TBX15: variants seen among roughly 807,000 people sequenced by gnomAD.
TBX15 encodes the protein T-box transcription factor TBX15.
A neutral mutation model predicts 53.9 loss-of-function variants in TBX15; 18 were observed. That is an observed-to-expected ratio of 0.33 (90% CI 0.23 to 0.49). The LOEUF is 0.49. Ranked by LOEUF, TBX15 falls within the 20% of genes least tolerant of loss-of-function variation. The pLI is 0.98. For synonymous variants in TBX15, 295 were observed against 278.0 expected, an observed-to-expected ratio of 1.06 and a Z score of -0.61; for missense variants, 692 against 749.5, an observed-to-expected ratio of 0.92 and a Z score of 0.90.
chr1:118,902,489 T>G (rs1294313674), intron 6 of TBX15, among the ~76,000 whole-genome samples: 2 of 152,198 alleles, frequency 1.3e-5, no homozygotes, highest in Non-Finnish European at 2.9e-5. Context: ...GAATGCTTTA[T>G]TGCTGAGTCA....
intron 5 of TBX15, among the ~76,000 whole-genome samples, chr1:118,919,830 G>T (rs1655363850): frequency 6.6e-6 from 1 of 152,082 alleles, no homozygotes; most frequent in South Asian, 2.1e-4. Context: ...AATGGAGACA[G>T]TTAACATCTA....
intron 2 of TBX15, among the ~76,000 whole-genome samples, chr1:118,928,363 AT>A (rs2101605091): frequency 6.6e-6 from 1 of 152,228 alleles, no homozygotes; most frequent in East Asian, 1.9e-4. Context: ...CTACCTCACA[AT>A]TTTTATTTAA....
chr1:118,934,847 A>G (rs779064018), intron 1 of TBX15, among the ~76,000 whole-genome samples: 26 of 152,224 alleles, frequency 1.7e-4, no homozygotes, highest in Non-Finnish European at 2.9e-4. Flanking sequence ...GAGGATTTTC[A>G]AAGACATTTA....
At chr1:118,964,030 C>T (rs1656961303) in intron 1 of TBX15, among the ~76,000 whole-genome samples, 1 of 152,184 alleles carries the variant, frequency 6.6e-6, no homozygotes, top group African/African-American at 2.4e-5. Context: ...TCTCAGCCAG[C>T]CATTTAAGCC....
At chr1:118,897,463 T>G (rs537067951) in intron 7 of TBX15, among the ~76,000 whole-genome samples, 2 of 152,296 alleles carry the variant, frequency 1.3e-5, no homozygotes, top group Admixed American at 6.5e-5. Flanking sequence ...TACAAACTCC[T>G]GCTTAGCTAG....
intron 6 of TBX15, among the ~76,000 whole-genome samples, chr1:118,909,531 T>C (rs2101548017): frequency 6.6e-6 from 1 of 152,310 alleles, no homozygotes; most frequent in Admixed American, 6.5e-5. Context: ...CAGGAGGACT[T>C]CTCCATGGAT....
chr1:118,973,952 C>G (rs1657335448), intron 1 of TBX15, among the ~76,000 whole-genome samples: 1 of 152,204 alleles, frequency 6.6e-6, no homozygotes, highest in African/African-American at 2.4e-5. Flanking sequence ...GGGTAACGCA[C>G]AGTTGTACCA....
At chr1:118,985,817 G>C (rs776638568) in intron 1 of TBX15, among the ~76,000 whole-genome samples, 1 of 152,210 alleles carries the variant, frequency 6.6e-6, no homozygotes, top group African/African-American at 2.4e-5. Flanking sequence ...CGAGTAAATA[G>C]AATTCATGAG....
intron 7 of TBX15, among the ~76,000 whole-genome samples, chr1:118,894,945 A>G (rs981519243): frequency 6.6e-6 from 1 of 152,156 alleles, no homozygotes; most frequent in Non-Finnish European, 1.5e-5. Context: ...ATTCTATGTG[A>G]TAAGCCATAC....
intron 1 of TBX15, among the ~76,000 whole-genome samples, chr1:118,940,175 C>T (rs1246893083): frequency 6.6e-6 from 1 of 151,846 alleles, no homozygotes; most frequent in African/African-American, 2.4e-5. Flanking sequence ...TTAAAACTGT[C>T]GGTTTTTTGA....
chr1:118,944,385 G>A lies in TBX15; in HGVS notation c.206-12553C>T, dbSNP rs140343008. 1.1e-4 allele frequency among the ~76,000 whole-genome samples: 16 copies of A among 152,248 alleles called. No individual in the cohort carries two copies. In the East Asian group the frequency reaches 2.9e-3, roughly 28 times the overall value. ...ACATGTTATTCTTAACTCCATTCCC[G>A]ACTCCTTGAGTCATCCTCACCATGT... On this transcript the variant is annotated intron_variant, in intron 1 of 7. Coordinates refer to ENST00000369429, the MANE Select transcript of TBX15 (RefSeq NM_001330677.2).
chr1:118,931,722 C>A lies in TBX15; in HGVS notation c.316G>T (p.Ala106Ser), dbSNP rs375486297. The change falls in exon 2 of 8, where the codon GCC (alanine) becomes TCC (serine). Residue 106 changes from alanine to serine, a missense_variant. Transcript: ENST00000369429. ...ASGAAGPVPAAMSSMEEIQVE... is the reference protein window; with the variant it reads ...ASGAAGPVPASMSSMEEIQVE... ...TGAATCTCCTCCATGGAAGACATGGCAGCAGGCACAGGGCCTGCAGCACCA... is the reference window on the plus strand; with the variant it reads ...TGAATCTCCTCCATGGAAGACATGGAAGCAGGCACAGGGCCTGCAGCACCA... The A allele has an allele frequency of 3.7e-6, 6 of 1,613,910 alleles. No homozygotes were observed. Among genetic ancestry groups the A allele is most frequent in the Admixed American group, 3.3e-5 (2 of 59,998 alleles).
Position 118,923,170 on chromosome 1 carries a change from A to G in TBX15, c.861+266T>C, listed in dbSNP as rs17185907. Among the ~76,000 whole-genome samples, 19,608 of 151,928 alleles carry G rather than the reference A, an allele frequency of 0.13. 1,778 individuals are homozygous for G. Among genetic ancestry groups the G allele is most frequent in the Non-Finnish European group, 0.18 (12,161 of 67,960 alleles). On this transcript the variant is annotated intron_variant, in intron 5 of 7. Coordinates refer to ENST00000369429, the MANE Select transcript of TBX15 (RefSeq NM_001330677.2). The stretch of plus-strand genomic sequence containing the variant: ...AGTTTTACTATCTAAGGAATTTGAG[A>G]TGGTTTAATAGCTTCTTAAATAGCA...
intron 1 of TBX15, among the ~76,000 whole-genome samples, chr1:118,967,400 T>C (rs912550868): frequency 6.6e-6 from 1 of 152,138 alleles, no homozygotes; most frequent in African/African-American, 2.4e-5. Context: ...AAATGACCTA[T>C]AAGTAGCAGC....
chr1:118,980,370 A>T (rs1327227715), intron 1 of TBX15, among the ~76,000 whole-genome samples: 1 of 151,636 alleles, frequency 6.6e-6, no homozygotes, highest in Non-Finnish European at 1.5e-5. Context: ...TATAATAATG[A>T]CCTCTCTAAT....
At position 118,908,607 on chromosome 1, in the gene TBX15, A is replaced by G. The variant is rs759753728; in HGVS notation, c.926+5508T>C. ...AAATCTAGAAGTAGAAACAACTTAGAAAAAAGAAAATAAAACAATTTCCCT... is the reference window on the plus strand; with the variant it reads ...AAATCTAGAAGTAGAAACAACTTAGGAAAAAGAAAATAAAACAATTTCCCT... On this transcript the variant is annotated intron_variant, in intron 6 of 7. Transcript: ENST00000369429. Among the ~76,000 whole-genome samples the G allele has an allele frequency of 1.9e-4, 29 of 152,170 alleles. No individual in the cohort carries two copies. In the East Asian group the frequency reaches 5.2e-3, roughly 27 times the overall value.
intron 1 of TBX15, among the ~76,000 whole-genome samples, chr1:118,966,877 T>C (rs1049777036): frequency 6.6e-6 from 1 of 152,248 alleles, no homozygotes; most frequent in Non-Finnish European, 1.5e-5. Flanking sequence ...AGCAGTATTA[T>C]GCAAGTGATC....
Position 118,884,932 on chromosome 1 carries a change from C to G in TBX15, c.1609G>C (p.Ala537Pro). Residue 537 changes from alanine (A) to proline (P), a missense_variant, in exon 8 of 8, where the codon GCC (alanine) becomes CCC (proline). This residue lies in a region of TBX15 where 375 missense variants were observed against 371.6 expected (regional missense o/e 1.01). Transcript: ENST00000369429. ...RLAASPEKLSASQSTLLCSSP... is the reference protein window; with the variant it reads ...RLAASPEKLSPSQSTLLCSSP... ...GAACAGAGTAAAGTGCTTTGAGAGG[C>G]GCTCAGTTTTTCCGGGCTTGCAGCT... The G allele has an allele frequency of 6.2e-7, 1 of 1,614,126 alleles. No homozygotes were observed. Among genetic ancestry groups the G allele is most frequent in the East Asian group, 2.2e-5 (1 of 44,860 alleles).
chr1:118,947,688 A>C (rs1461220075), intron 1 of TBX15, among the ~76,000 whole-genome samples: 1 of 152,206 alleles, frequency 6.6e-6, no homozygotes, highest in African/African-American at 2.4e-5. Context: ...CCCTGCAGAG[A>C]TTTCTCAATG....
Sources: gnomAD v4.1 joint callset for allele counts (sites outside exome capture counted in the v4.1 genomes callset) on GRCh38, gnomAD v4.1.1 for gene constraint, gnomAD v4.1.1 regional missense constraint, MANE v1.5 for transcripts, NCBI Gene and HGNC (gene_info 2026-07-23, HGNC 2026-07-21) for gene names.